RAI14: variants seen among roughly 807,000 people sequenced by gnomAD.
RAI14 encodes the protein ankycorbin.
A neutral mutation model predicts 115.4 loss-of-function variants in RAI14; 45 were observed. That is an observed-to-expected ratio of 0.39 (90% CI 0.31 to 0.50). The LOEUF is 0.50. RAI14 is among the 20% of genes least tolerant of loss of function. RAI14 has a pLI of 0.85. For synonymous variants in RAI14, 371 were observed against 415.4 expected, an observed-to-expected ratio of 0.89 and a Z score of 1.30; for missense variants, 939 against 1,131.2, an observed-to-expected ratio of 0.83 and a Z score of 2.44.
intron 3 of RAI14, among the ~76,000 whole-genome samples, chr5:34,788,417 C>T (rs1245106336): frequency 3.3e-5 from 5 of 152,102 alleles, no homozygotes; most frequent in African/African-American, 9.7e-5. Flanking sequence ...TGCAAAAGTA[C>T]GCCCAGTTGA....
At chr5:34,684,864 T>C (rs1383084701) in intron 1 of RAI14, 1 of 152,196 alleles carries the variant, frequency 6.6e-6, no homozygotes. Flanking sequence ...GTGGTAAACG[T>C]GTGCCTGCTA....
chr5:34,796,066 C>A (rs1753492213), intron 4 of RAI14, 39 bp downstream of exon 4: 3 of 1,487,994 alleles, frequency 2.0e-6, no homozygotes, highest in Admixed American at 3.4e-5. Flanking sequence ...CAGGCCAGCA[C>A]CAGATTAGGT....
At position 34,823,625 on chromosome 5, in the gene RAI14, G is replaced by A; in HGVS notation, c.1783G>A (p.Ala595Thr). 6.2e-7 allele frequency: 1 copy of A among 1,613,904 alleles called. No homozygotes were observed. The change falls in exon 15 of 18, where the codon GCA (alanine) becomes ACA (threonine). Residue 595 changes from alanine (A) to threonine (T), a missense_variant. Coordinates refer to ENST00000265109, the MANE Select transcript of RAI14 (RefSeq NM_015577.3). This position sits in a 1 kb window ranked among gnomAD's most constrained non-coding sequence, Gnocchi z 4.5. ...SVIENMNKEK[A>T]FLFEKYQEAQ... ...TATTGAGAATATGAATAAGGAGAAA[G>A]CATTTTTGTTTGAGAAATACCAAGA...
intron 2 of RAI14, among the ~76,000 whole-genome samples, chr5:34,747,846 T>G (rs574530674): frequency 6.6e-6 from 1 of 152,296 alleles, no homozygotes; most frequent in South Asian, 2.1e-4. Context: ...GGCATGGGGC[T>G]TAGTGGTGAA....
intron 3 of RAI14, among the ~76,000 whole-genome samples, chr5:34,783,975 C>A (rs1751980379): frequency 6.6e-6 from 1 of 152,198 alleles, no homozygotes; most frequent in Non-Finnish European, 1.5e-5. Context: ...TGTACATAAG[C>A]TAGTCTCCCA....
chr5:34,688,306 C>T lies in RAI14; in HGVS notation c.36+1351C>T, dbSNP rs930408105. On this transcript the variant is annotated intron_variant, in intron 2 of 17. Coordinates refer to ENST00000265109, the MANE Select transcript of RAI14 (RefSeq NM_015577.3). ...AGATAGGGGTTTCTAAATTTTGTGA[C>T]CAGGTTAACAAATGTCTTTTTCTAT... is the stretch of plus-strand genomic sequence containing the variant. The T allele has an allele frequency of 7.6e-6, 11 of 1,443,986 alleles. No individual in the cohort carries two copies. The Admixed American group carries it at 1.2e-4, about 16-fold the overall frequency. 89.4% of individuals were successfully genotyped at this position (1,443,986 alleles called of 1,614,324 possible). A position where few individuals can be genotyped will look rare whatever the true frequency, so the allele number is the denominator to read the frequency against.
intron 2 of RAI14, among the ~76,000 whole-genome samples, chr5:34,697,649 A>G (rs978812502): frequency 5.9e-5 from 9 of 152,184 alleles, no homozygotes; most frequent in Non-Finnish European, 1.0e-4. Context: ...AGGGACTATC[A>G]TGACCTGATC....
At chr5:34,824,545 G>C in intron 15 of RAI14, 54 bp downstream of exon 15, 1 of 1,376,928 alleles carries the variant, frequency 7.3e-7, no homozygotes, top group South Asian at 1.5e-5. Context: ...TAGTCTCTTT[G>C]GCTTTTACTA....
At chr5:34,764,540 TCTCTC>T (rs752972212) in intron 3 of RAI14, among the ~76,000 whole-genome samples, 5,754 of 141,940 alleles carry the variant, frequency 0.041, 212 homozygotes, top group African/African-American at 0.095. Flanking sequence ...GTGAATTTTC[TCTCTC>T]TCTCTCTCTC....
At chr5:34,780,443 G>C (rs990681043) in intron 3 of RAI14, among the ~76,000 whole-genome samples, 2 of 152,126 alleles carry the variant, frequency 1.3e-5, no homozygotes, top group Admixed American at 1.3e-4. Context: ...GTAACCTACA[G>C]AATGGGAAAA....
At chr5:34,669,001 C>T (rs1367943427) in intron 1 of RAI14, among the ~76,000 whole-genome samples, 1 of 152,138 alleles carries the variant, frequency 6.6e-6, no homozygotes, top group Non-Finnish European at 1.5e-5. Flanking sequence ...GGACTACAGG[C>T]GTGTGCCACC....
intron 1 of RAI14, among the ~76,000 whole-genome samples, chr5:34,664,575 T>C (rs465943): frequency 0.22 from 32,981 of 151,944 alleles, 4,472 homozygotes; most frequent in Non-Finnish European, 0.3. Flanking sequence ...TAAGATATTC[T>C]GTTTTCTTAT....
rs144410152 is a variant in RAI14 at position 34,826,478 on chromosome 5, C to T, written c.2798C>T (p.Ala933Val). The stretch of plus-strand genomic sequence containing the variant: ...GTCAAACAGCTCCAGAACCAGCTGG[C>T]GGTGAGTGGGCTTGTTTCTGCTGCC... ...QQVKQLQNQL[A>V]ECKKQHQEVI... The change falls in exon 16 of 18, where the codon GCG (alanine) becomes GTG (valine). Residue 933 changes from alanine to valine, a missense_variant and splice_region_variant. Coordinates refer to ENST00000265109, the MANE Select transcript of RAI14 (RefSeq NM_015577.3). 8 of 1,611,922 alleles carry T rather than the reference C, an allele frequency of 5.0e-6. No homozygotes were observed. Among genetic ancestry groups the T allele is most frequent in the South Asian group, 2.2e-5 (2 of 90,738 alleles).
rs1195208026 is a variant in RAI14 at position 34,824,410 on chromosome 5, C to T, written c.2568C>T (p.Phe856=). The T allele has an allele frequency of 6.2e-7, 1 of 1,608,544 alleles. No homozygotes were observed. Among genetic ancestry groups the T allele is most frequent in the Admixed American group, 1.7e-5 (1 of 59,864 alleles). The change falls in exon 15 of 18, where the codon TTC becomes TTT. Residue 856 remains phenylalanine (F), a synonymous_variant. Transcript: ENST00000265109. ...EQEVNELLQK[F]QQAQEELAEM... ...AAGTAAATGAACTTCTGCAAAAATT[C>T]CAGCAAGCTCAGGAAGAACTTGCAG...
At chr5:34,800,002 T>G (rs1180286188) in intron 4 of RAI14, among the ~76,000 whole-genome samples, 2 of 152,192 alleles carry the variant, frequency 1.3e-5, no homozygotes, top group Non-Finnish European at 2.9e-5. Flanking sequence ...TTTTTAAAGC[T>G]ATTTTTGCAG....
intron 3 of RAI14, among the ~76,000 whole-genome samples, chr5:34,787,102 A>C (rs1219268536): frequency 3.9e-5 from 6 of 152,200 alleles, no homozygotes; most frequent in Admixed American, 3.9e-4. Flanking sequence ...CCTTACCCTC[A>C]TTCCGGTAAA....
At chr5:34,757,722 A>G in intron 3 of RAI14, 124 bp downstream of exon 3, 3 of 1,258,832 alleles carry the variant, frequency 2.4e-6, no homozygotes, top group Non-Finnish European at 3.2e-6. Context: ...TGAAATATGT[A>G]AGAAGATATT....
intron 2 of RAI14, among the ~76,000 whole-genome samples, chr5:34,725,197 G>A (rs1420057668): frequency 6.6e-6 from 1 of 152,042 alleles, no homozygotes; most frequent in Non-Finnish European, 1.5e-5. Context: ...TTTTTCTTTA[G>A]GAACAAAATT....
chr5:34,743,880 T>C (rs572182322), intron 2 of RAI14, among the ~76,000 whole-genome samples: 282 of 152,348 alleles, frequency 1.9e-3, no homozygotes, highest in African/African-American at 6.6e-3. Flanking sequence ...CCATGGCATG[T>C]GAATTTCTTT....
Sources: gnomAD v4.1 joint callset for allele counts (sites outside exome capture counted in the v4.1 genomes callset) on GRCh38, gnomAD v4.1.1 for gene constraint, Gnocchi (gnomAD v3.1) non-coding constraint, MANE v1.5 for transcripts, NCBI Gene and HGNC (gene_info 2026-07-23, HGNC 2026-07-21) for gene names.